The following COBL variants were observed in gnomAD, a reference collection of about 807,000 sequenced individuals.
COBL encodes the protein protein cordon-bleu.
COBL carries 51 observed loss-of-function variants against 98.8 expected under a neutral mutation model. The ratio of observed to expected loss-of-function variants is 0.52; its 90% confidence interval spans 0.41 to 0.65. The LOEUF (loss-of-function observed/expected upper bound fraction) is 0.65. Ranked by LOEUF, COBL falls within the 30% of genes least tolerant of loss-of-function variation. The pLI is 0.00. For synonymous variants in COBL, 634 were observed against 651.7 expected, an observed-to-expected ratio of 0.97 and a Z score of 0.41; for missense variants, 1,617 against 1,617.5, an observed-to-expected ratio of 1.00 and a Z score of 0.01.
chr7:51,246,048 ATTTATT>A (rs1476525680), intron 1 of COBL, among the ~76,000 whole-genome samples: 2 of 152,224 alleles, frequency 1.3e-5, no homozygotes, highest in Non-Finnish European at 2.9e-5. Context: ...TGTATGTGTC[ATTTATT>A]TTTAAGTAGA....
intron 1 of COBL, among the ~76,000 whole-genome samples, chr7:51,227,235 A>C (rs1331123367): frequency 1.3e-5 from 2 of 152,120 alleles, no homozygotes; most frequent in Non-Finnish European, 2.9e-5. Flanking sequence ...CCTTATTTGC[A>C]AACTGAGTTG....
At chr7:51,117,166 A>G (rs1030016057) in intron 6 of COBL, among the ~76,000 whole-genome samples, 29 of 143,546 alleles carry the variant, frequency 2.0e-4, no homozygotes, top group Non-Finnish European at 2.5e-4. Flanking sequence ...ATTTCATTAT[A>G]AAGTACCTAT....
chr7:51,105,908 T>C (rs532444847), intron 6 of COBL, among the ~76,000 whole-genome samples: 7 of 152,032 alleles, frequency 4.6e-5, no homozygotes, highest in African/African-American at 1.7e-4. Context: ...CAGGAATAAT[T>C]TGGGAGCACC....
intron 5 of COBL, among the ~76,000 whole-genome samples, chr7:51,153,760 T>A (rs903420243): frequency 6.6e-6 from 1 of 152,166 alleles, no homozygotes; most frequent in Non-Finnish European, 1.5e-5. Context: ...GTGGGTAACG[T>A]CAGGACAGCC....
chr7:51,172,006 T>C (rs952441025), intron 5 of COBL, among the ~76,000 whole-genome samples: 3 of 152,252 alleles, frequency 2.0e-5, no homozygotes, highest in Admixed American at 2.0e-4. Flanking sequence ...TATTTGAAAC[T>C]ATGAAGAAAC....
intron 2 of COBL, among the ~76,000 whole-genome samples, chr7:51,214,148 C>A (rs1446996289): frequency 6.6e-6 from 1 of 152,044 alleles, no homozygotes; most frequent in Non-Finnish European, 1.5e-5. Flanking sequence ...CATCTGCAAT[C>A]CCAGCTACTC....
intron 1 of COBL, among the ~76,000 whole-genome samples, chr7:51,309,086 C>CT (rs1052345459): frequency 3.9e-5 from 6 of 152,190 alleles, no homozygotes; most frequent in African/African-American, 1.4e-4. Context: ...CATCTGCACA[C>CT]TTTAACACCT....
intron 1 of COBL, among the ~76,000 whole-genome samples, chr7:51,262,632 C>T (rs183807884): frequency 7.2e-4 from 110 of 152,310 alleles, no homozygotes; most frequent in South Asian, 6.2e-3. Context: ...GCAACATTCG[C>T]CATGCAGTCA....
At chr7:51,065,610 C>T (rs185184816) in intron 7 of COBL, among the ~76,000 whole-genome samples, 2 of 152,362 alleles carry the variant, frequency 1.3e-5, no homozygotes, top group African/African-American at 4.8e-5. Context: ...TCCAACAGGG[C>T]CAAGCCCTGG....
intron 6 of COBL, among the ~76,000 whole-genome samples, chr7:51,116,941 T>C (rs1034967057): frequency 2.0e-5 from 3 of 152,088 alleles, no homozygotes; most frequent in African/African-American, 7.2e-5. Flanking sequence ...TATATATATA[T>C]TTTTAATAAT....
At chr7:51,255,231 A>G (rs1037739605) in intron 1 of COBL, among the ~76,000 whole-genome samples, 1 of 152,198 alleles carries the variant, frequency 6.6e-6, no homozygotes, top group African/African-American at 2.4e-5. Flanking sequence ...TTCAGCTGTT[A>G]CAAAGATAAA....
chr7:51,181,314 G>T (rs780032646), intron 5 of COBL, among the ~76,000 whole-genome samples: 46 of 152,198 alleles, frequency 3.0e-4, no homozygotes, highest in Non-Finnish European at 5.9e-4. Context: ...GAAATGCAGT[G>T]GTGGTCATGT....
At chr7:51,178,810 A>G (rs796562770) in intron 5 of COBL, among the ~76,000 whole-genome samples, 11 of 152,210 alleles carry the variant, frequency 7.2e-5, no homozygotes, top group African/African-American at 2.6e-4. Context: ...GGTTTCTCCA[A>G]GCTGGTCAGG....
Position 51,184,152 on chromosome 7 carries a change from T to A in COBL, c.733A>T (p.Lys245Ter). The change falls in exon 5 of 13, where the codon AAG becomes TAG. Residue 245 changes from lysine to a stop codon, truncating the protein, a stop_gained. Coordinates refer to ENST00000265136, the MANE Select transcript of COBL (RefSeq NM_015198.5). LOFTEE classifies it high-confidence loss of function. Reference sequence around the variant, plus strand: ...TTGAAAAATCCCAGAAATTTTTTCTTCTCTTTATCTGTCTCATCATTGCCA... The same window carrying A: ...TTGAAAAATCCCAGAAATTTTTTCTACTCTTTATCTGTCTCATCATTGCCA... The part of the protein sequence containing the change: ...SLGNDETDKE[K>*]KKFLGFFKVN... 1 of 1,572,328 alleles carries A rather than the reference T, an allele frequency of 6.4e-7. No homozygotes were observed. Among genetic ancestry groups the A allele is most frequent in the Non-Finnish European group, 8.6e-7 (1 of 1,156,572 alleles).
At chr7:51,132,808 G>A (rs1326896210) in intron 6 of COBL, among the ~76,000 whole-genome samples, 2 of 152,124 alleles carry the variant, frequency 1.3e-5, no homozygotes, top group Non-Finnish European at 2.9e-5. Context: ...GTCACATGGT[G>A]AGAGAGGGAG....
At chr7:51,244,619 C>T (rs777481694) in intron 1 of COBL, among the ~76,000 whole-genome samples, 2 of 152,296 alleles carry the variant, frequency 1.3e-5, no homozygotes, top group South Asian at 4.1e-4. Flanking sequence ...CCACAGCATG[C>T]TCCAGTTCCA....
At position 51,311,795 on chromosome 7, in the gene COBL, T is replaced by A. The variant is rs553911489; in HGVS notation, c.41+4798A>T. On this transcript the variant is annotated intron_variant, in intron 1 of 12. Transcript: ENST00000265136. ...TGTAAAAAGGCATATTATCAATACA[T>A]CTCTATGTAGTAATATAAACCAATA... 3.3e-5 allele frequency among the ~76,000 whole-genome samples: 5 copies of A among 152,168 alleles called. No homozygotes were observed. In the South Asian group the frequency reaches 8.3e-4, roughly 25 times the overall value.
At chr7:51,248,561 A>C (rs1171476563) in intron 1 of COBL, among the ~76,000 whole-genome samples, 1 of 151,184 alleles carries the variant, frequency 6.6e-6, no homozygotes, top group African/African-American at 2.4e-5. Flanking sequence ...AGTGCATGTA[A>C]ATTACACAAG....
At chr7:51,025,890 G>A (rs1787504172) in intron 11 of COBL, among the ~76,000 whole-genome samples, 1 of 152,158 alleles carries the variant, frequency 6.6e-6, no homozygotes, top group Admixed American at 6.5e-5. Context: ...TGCTCTGTTG[G>A]CAGCCAAGTA....
Sources: allele counts gnomAD v4.1 joint callset (sites outside exome capture counted in the v4.1 genomes callset), GRCh38; gene constraint gnomAD v4.1.1; transcripts MANE v1.5; gene names NCBI Gene and HGNC (gene_info 2026-07-23, HGNC 2026-07-21).